The following IRAG2 variants were observed in gnomAD, a reference collection of about 807,000 sequenced individuals.
IRAG2 encodes the protein inositol 1,4,5-triphosphate receptor associated 2.
A neutral mutation model predicts 69.9 loss-of-function variants in IRAG2; 45 were observed. The ratio of observed to expected loss-of-function variants is 0.64; its 90% CI spans 0.51 to 0.83. The LOEUF is 0.83. IRAG2 is among the 40% of genes least tolerant of loss of function. IRAG2 has a pLI of 0.00. For missense variants in IRAG2, 520 were observed against 587.0 expected (o/e 0.89, Z 1.18); for synonymous variants, 193 against 202.4 (o/e 0.95, Z 0.40).
At chr12:25,075,564 G>C (rs1452983258) in intron 6 of IRAG2, among the ~76,000 whole-genome samples, 1 of 148,998 alleles carries the variant, frequency 6.7e-6, no homozygotes, top group African/African-American at 2.5e-5. Flanking sequence ...GTGTATGTGT[G>C]TCTCCTGTGT....
At chr12:25,102,523 A>AGG in intron 17 of IRAG2, 1 of 407,256 alleles carries the variant, frequency 2.5e-6, no homozygotes, top group South Asian at 2.7e-5. Flanking sequence ...GCAGCTTCAC[A>AGG]AGATCCTGAG....
rs1947691549 is a variant in IRAG2 at position 25,087,313 on chromosome 12, CTG to C, written c.316-786_316-785del. ...CTTCAGAGTAGCTTGGATTATAGGC[CTG>C]CACCACCACCCCTGGCTAATTTTTG... On this transcript the variant is annotated intron_variant, in intron 10 of 21. Transcript: ENST00000556887. Among the ~76,000 whole-genome samples, 38 of 151,746 alleles carry C rather than the reference CTG, an allele frequency of 2.5e-4. No homozygotes were observed. The South Asian group carries it at 7.9e-3, about 32-fold the overall frequency.
At chr12:25,002,577 T>C (rs1204031114), upstream of IRAG2, among the ~76,000 whole-genome samples, 1 of 151,990 alleles carries the variant, frequency 6.6e-6, no homozygotes, top group Non-Finnish European at 1.5e-5. Flanking sequence ...AAAAACTGAT[T>C]CTAGAATTTC....
chr12:24,998,281 A>C, the IRAG2 span, among the ~76,000 whole-genome samples: 1 of 152,200 alleles, frequency 6.6e-6, no homozygotes, highest in African/African-American at 2.4e-5. Context: ...GTGGGAGGAA[A>C]GTTTCTAGCC....
intron 3 of IRAG2, among the ~76,000 whole-genome samples, chr12:25,013,199 G>A (rs1015463979): frequency 1.3e-4 from 20 of 152,128 alleles, no homozygotes; most frequent in South Asian, 4.1e-4. Context: ...AGTCTTGGCC[G>A]GGGGTGGTGG....
At chr12:25,082,885 A>T (rs1947321542) in intron 9 of IRAG2, among the ~76,000 whole-genome samples, 1 of 152,240 alleles carries the variant, frequency 6.6e-6, no homozygotes, top group African/African-American at 2.4e-5. Flanking sequence ...TTTCAGTACA[A>T]ATAAAGTACA....
At chr12:25,035,863 T>A in intron 14 of IRAG2, 1 of 398,226 alleles carries the variant, frequency 2.5e-6, no homozygotes, top group Non-Finnish European at 4.4e-6. Context: ...CTGCAACCTG[T>A]TTGCTGAGTC....
chr12:25,095,049 T>C (rs1473776280), intron 14 of IRAG2, among the ~76,000 whole-genome samples: 1 of 152,180 alleles, frequency 6.6e-6, no homozygotes, highest in African/African-American at 2.4e-5. Flanking sequence ...CTTTCTGATT[T>C]GGATAACTTT....
chr12:25,004,657 G>A (rs776582664), exon 1 of IRAG2: 168 of 1,231,960 alleles, frequency 1.4e-4, no homozygotes, highest in Non-Finnish European at 1.6e-4. Context: ...CAGCTCCCCT[G>A]AGACTGCAAC....
intron 21 of IRAG2, 86 bp from the exon 22 acceptor site, chr12:25,107,731 G>T: frequency 7.4e-7 from 1 of 1,348,312 alleles, no homozygotes; most frequent in African/African-American, 1.4e-5. Flanking sequence ...ATGAAGGGCA[G>T]ATCACCTGAC....
rs143757860 is a variant in IRAG2 at position 25,041,438 on chromosome 12, C to T, written c.2144+3301C>T. On this transcript the variant is annotated intron_variant, in intron 16 of 38. Transcript: ENST00000636465. ...TGGATGAAGAATTATTTATAGAGGG[C>T]AAAAGTGAAAGCAGTGAGATGAGTA... Among the ~76,000 whole-genome samples the T allele has an allele frequency of 7.9e-5, 12 of 151,824 alleles. No homozygotes were observed. In the East Asian group the frequency reaches 2.3e-3, roughly 29 times the overall value.
At chr12:25,032,754 T>G (rs1419830985) in intron 12 of IRAG2, among the ~76,000 whole-genome samples, 1 of 152,188 alleles carries the variant, frequency 6.6e-6, no homozygotes, top group Non-Finnish European at 1.5e-5. Flanking sequence ...TTTGGCTTCT[T>G]CTTATAAGGA....
intron 6 of IRAG2, 49 bp downstream of exon 6, chr12:25,069,480 T>G: frequency 6.6e-7 from 1 of 1,515,030 alleles, no homozygotes; most frequent in Non-Finnish European, 9.1e-7. Flanking sequence ...TACCATATCC[T>G]GTTCTTCTTC....
chr12:25,088,016 C>G, intron 10 of IRAG2, 84 bp from the exon 11 acceptor site: 1 of 997,394 alleles, frequency 1.0e-6, no homozygotes, highest in Non-Finnish European at 1.6e-6. Flanking sequence ...TCAGAGTAGG[C>G]TTAGGAGAGG....
chr12:25,065,467 A>G (rs1460498315), intron 4 of IRAG2, among the ~76,000 whole-genome samples: 1 of 152,186 alleles, frequency 6.6e-6, no homozygotes, highest in African/African-American at 2.4e-5. Flanking sequence ...TCCCTAATAA[A>G]TGATTTGTGA....
chr12:25,103,783 A>G, intron 17 of IRAG2, 54 bp from the exon 18 acceptor site: 1 of 1,266,402 alleles, frequency 7.9e-7, no homozygotes, highest in Admixed American at 1.7e-5. Context: ...GGTGTTGCAT[A>G]TAATGATAAA....
At chr12:25,051,399 G>A (rs1360912041), upstream of IRAG2, among the ~76,000 whole-genome samples, 1 of 152,144 alleles carries the variant, frequency 6.6e-6, no homozygotes, top group Non-Finnish European at 1.5e-5. Flanking sequence ...CAAGGCCTAC[G>A]GCTGACAATG....
At position 25,020,150 on chromosome 12, in the gene IRAG2, G is replaced by A. The variant is rs1013872725; in HGVS notation, c.1215-640G>A. 5.3e-5 allele frequency among the ~76,000 whole-genome samples: 8 copies of A among 152,362 alleles called. No homozygotes were observed. In the East Asian group the frequency reaches 1.5e-3, roughly 29 times the overall value. Reference sequence around the variant, plus strand: ...TGAAGGCTTTGTTCCTAAGGGAACAGTCTATAATCTAACGGGAGCTACAGG... The same window carrying A: ...TGAAGGCTTTGTTCCTAAGGGAACAATCTATAATCTAACGGGAGCTACAGG... On this transcript the variant is annotated intron_variant, in intron 6 of 38. Coordinates refer to the IRAG2 transcript ENST00000636465.
chr12:25,108,071 T>C lies in IRAG2; in HGVS notation c.*11T>C. Reference sequence around the variant, plus strand: ...CCACCACCAGTGTGACAGCAGGACATCCTAATATATGGATCTTGATTTTTA... The same window carrying C: ...CCACCACCAGTGTGACAGCAGGACACCCTAATATATGGATCTTGATTTTTA... On this transcript the variant is annotated 3_prime_UTR_variant, in exon 22 of 22. Coordinates refer to ENST00000556887, the MANE Select transcript of IRAG2 (RefSeq NM_001366544.2). The C allele has an allele frequency of 6.2e-7, 1 of 1,608,986 alleles. No individual in the cohort carries two copies. The highest frequency in any genetic ancestry group is 2.2e-5 in the East Asian group (1 of 44,758).
Sources: gnomAD v4.1 joint callset for allele counts (sites outside exome capture counted in the v4.1 genomes callset) on GRCh38, gnomAD v4.1.1 for gene constraint, MANE v1.5 for transcripts, NCBI Gene and HGNC (gene_info 2026-07-23, HGNC 2026-07-21) for gene names.